The following SEPTIN9 variants were observed in gnomAD, a reference collection of about 807,000 sequenced individuals.
The protein encoded by SEPTIN9 is septin-9.
Under a neutral mutation model 56.6 loss-of-function variants are expected in SEPTIN9, and 13 were observed. The observed-to-expected ratio is 0.23, with a 90% CI of 0.15 to 0.37. The LOEUF is 0.37. SEPTIN9 is among the 10% of genes least tolerant of loss of function. SEPTIN9 has a pLI of 1.00. For synonymous variants in SEPTIN9, 332 were observed against 334.1 expected (o/e 0.99, Z 0.07); for missense variants, 650 against 823.1 (o/e 0.79, Z 2.57).
At chr17:77,350,790 G>A (rs1408111576) in intron 2 of SEPTIN9, among the ~76,000 whole-genome samples, 2 of 152,246 alleles carry the variant, frequency 1.3e-5, no homozygotes, top group African/African-American at 2.4e-5. Flanking sequence ...TAGATGCCAC[G>A]AGGCATGCCT....
At chr17:77,281,663 C>A in intron 1 of SEPTIN9, 109 bp downstream of exon 1, 1 of 1,129,068 alleles carries the variant, frequency 8.9e-7, no homozygotes, top group Non-Finnish European at 1.2e-6. Flanking sequence ...TGAGCGAGTC[C>A]CCGCGGCGGG....
chr17:77,475,997 G>A lies in SEPTIN9; in HGVS notation c.722-6147G>A, dbSNP rs1568101702. 4 of 1,371,382 alleles carry A rather than the reference G, an allele frequency of 2.9e-6. No homozygotes were observed. Among genetic ancestry groups the A allele is most frequent in the Admixed American group, 1.9e-5 (1 of 52,396 alleles). The allele number at this position is 1,371,382 out of a possible 1,614,324, so 85.0% of individuals were successfully genotyped here. Reference sequence around the variant, plus strand: ...AGGGGAATGGCATTGACTTGACCCTGAGCACTTTGTCCTGGGGTGCAGGCC... The same window carrying A: ...AGGGGAATGGCATTGACTTGACCCTAAGCACTTTGTCCTGGGGTGCAGGCC... On this transcript the variant is annotated intron_variant, in intron 3 of 11. Transcript: ENST00000427177. This position sits in a 1 kb window ranked among gnomAD's most constrained non-coding sequence, Gnocchi z 4.6.
At chr17:77,387,795 G>T (rs2035388343) in intron 2 of SEPTIN9, among the ~76,000 whole-genome samples, 1 of 152,118 alleles carries the variant, frequency 6.6e-6, no homozygotes, top group African/African-American at 2.4e-5. Flanking sequence ...GGGGCTGGGA[G>T]CAGGACACTT....
At chr17:77,486,252 G>A (rs1438005425) in intron 4 of SEPTIN9, among the ~76,000 whole-genome samples, 2 of 151,932 alleles carry the variant, frequency 1.3e-5, no homozygotes, top group Non-Finnish European at 2.9e-5. Flanking sequence ...ATAGGTGCTC[G>A]CCACTACACC....
chr17:77,336,505 T>A (rs563031088), intron 2 of SEPTIN9, among the ~76,000 whole-genome samples: 1 of 152,220 alleles, frequency 6.6e-6, no homozygotes, highest in East Asian at 1.9e-4. Flanking sequence ...AGAATTTTAC[T>A]TTTGGCACTA....
At position 77,499,130 on chromosome 17, in the gene SEPTIN9, A is replaced by T. The variant is rs1408625357; in HGVS notation, c.*472A>T. 2 of 535,414 alleles carry T rather than the reference A, an allele frequency of 3.7e-6. No individual in the cohort carries two copies. Among genetic ancestry groups the T allele is most frequent in the Non-Finnish European group, 7.2e-6 (2 of 276,004 alleles). 33.2% of individuals were successfully genotyped at this position (535,414 alleles called of 1,614,324 possible). ...AGCCCAGGGGAGAATGCAGCCCACC[A>T]GGAGCACCTGGACCCCCTGCCCGCC... On this transcript the variant is annotated 3_prime_UTR_variant, in exon 12 of 12. Coordinates refer to ENST00000427177, the MANE Select transcript of SEPTIN9 (RefSeq NM_001113491.2).
At chr17:77,412,982 TG>T (rs2036357361) in intron 3 of SEPTIN9, among the ~76,000 whole-genome samples, 1 of 152,160 alleles carries the variant, frequency 6.6e-6, no homozygotes, top group Non-Finnish European at 1.5e-5. Flanking sequence ...TTTTACATGT[TG>T]AAATCATGAA....
At chr17:77,472,735 A>T (rs1055393311) in intron 3 of SEPTIN9, 2 of 152,234 alleles carry the variant, frequency 1.3e-5, no homozygotes, top group African/African-American at 4.8e-5. Context: ...GGGAAGGCAG[A>T]GTCTCAGATT....
At chr17:77,413,860 G>A (rs1315562118) in intron 3 of SEPTIN9, among the ~76,000 whole-genome samples, 1 of 152,022 alleles carries the variant, frequency 6.6e-6, no homozygotes, top group African/African-American at 2.4e-5. Context: ...GGTGGGGGTG[G>A]GGATGGGATG....
chr17:77,390,052 G>C (rs1330214304), intron 2 of SEPTIN9, among the ~76,000 whole-genome samples: 2 of 152,124 alleles, frequency 1.3e-5, no homozygotes, highest in African/African-American at 4.8e-5. Flanking sequence ...CCTTCGTCCC[G>C]GATCAGTCGC....
At position 77,476,242 on chromosome 17, in the gene SEPTIN9, C is replaced by G. The variant is rs2039209269; in HGVS notation, c.722-5902C>G. 6.6e-6 allele frequency among the ~76,000 whole-genome samples: 1 copy of G among 152,178 alleles called. No individual in the cohort carries two copies. Among genetic ancestry groups the G allele is most frequent in the African/African-American group, 2.4e-5 (1 of 41,436 alleles). ...GTCAGGCTTTGCAAGCCTGCTGTGT[C>G]AAGCCCTCTCTCGGCACCAGGCCAG... On this transcript the variant is annotated intron_variant, in intron 3 of 11. Coordinates refer to ENST00000427177, the MANE Select transcript of SEPTIN9 (RefSeq NM_001113491.2). This position sits in a 1 kb window ranked among gnomAD's most constrained non-coding sequence, Gnocchi z 6.0.
chr17:77,386,443 C>T (rs566439998), intron 2 of SEPTIN9, among the ~76,000 whole-genome samples: 26 of 152,316 alleles, frequency 1.7e-4, no homozygotes, highest in African/African-American at 4.8e-4. Context: ...GCCAGGCTCC[C>T]GTGGCCCACA....
At position 77,319,879 on chromosome 17, in the gene SEPTIN9, C is replaced by T. The variant is rs1221407886; in HGVS notation, c.76+12682C>T. The T allele has an allele frequency of 9.1e-7, 1 of 1,094,964 alleles. No individual in the cohort carries two copies. Among genetic ancestry groups the T allele is most frequent in the Non-Finnish European group, 1.1e-6 (1 of 897,678 alleles). The allele number at this position is 1,094,964 out of a possible 1,614,324, so 67.8% of individuals were successfully genotyped here. On this transcript the variant is annotated intron_variant, in intron 2 of 11. Transcript: ENST00000427177. This position sits in a 1 kb window ranked among gnomAD's most constrained non-coding sequence, Gnocchi z 5.3. ...AAAGGAGCAGCAAGCCTCGGGGCGG[C>T]GGGGGCTGGAGGAGGTGGAGAGAGG...
intron 1 of SEPTIN9, among the ~76,000 whole-genome samples, chr17:77,286,765 A>T (rs577136986): frequency 7.6e-4 from 115 of 152,206 alleles, no homozygotes; most frequent in African/African-American, 2.7e-3. Flanking sequence ...TGATAAGGGG[A>T]GTTCAGTACA....
intron 1 of SEPTIN9, among the ~76,000 whole-genome samples, chr17:77,300,161 G>A (rs1157911885): frequency 2.0e-5 from 3 of 152,152 alleles, no homozygotes; most frequent in Non-Finnish European, 4.4e-5. Flanking sequence ...GCAGTGGCAT[G>A]ATGTTGGCTC....
At chr17:77,427,885 G>C (rs2036972699) in intron 3 of SEPTIN9, among the ~76,000 whole-genome samples, 2 of 152,224 alleles carry the variant, frequency 1.3e-5, no homozygotes, top group East Asian at 3.9e-4. Flanking sequence ...ATTTGGAGCT[G>C]TTCCCGCTTG....
chr17:77,486,293 A>G (rs1237330319), intron 4 of SEPTIN9, among the ~76,000 whole-genome samples: 1 of 151,746 alleles, frequency 6.6e-6, no homozygotes, highest in African/African-American at 2.4e-5. Context: ...ATGTAGAGAC[A>G]GGGTCTCTCT....
At chr17:77,489,384 C>T (rs2039931750) in intron 7 of SEPTIN9, among the ~76,000 whole-genome samples, 1 of 152,146 alleles carries the variant, frequency 6.6e-6, no homozygotes, top group Non-Finnish European at 1.5e-5. Context: ...CCTGACGTCG[C>T]CCCTAGAGAT....
intron 1 of SEPTIN9, among the ~76,000 whole-genome samples, chr17:77,289,407 CTTTT>C (rs572213399): frequency 9.8e-6 from 1 of 102,534 alleles, no homozygotes; most frequent in Non-Finnish European, 2.0e-5. Flanking sequence ...TGCATTTATG[CTTTT>C]TTTTTTTTTT....
Sources: allele counts gnomAD v4.1 joint callset (sites outside exome capture counted in the v4.1 genomes callset), GRCh38; gene constraint gnomAD v4.1.1; non-coding constraint Gnocchi (gnomAD v3.1); transcripts MANE v1.5; gene names NCBI Gene and HGNC (gene_info 2026-07-23, HGNC 2026-07-21).